The following FARS2 variants were observed in gnomAD, a reference collection of about 807,000 sequenced individuals.
FARS2 encodes phenylalanyl-tRNA synthetase 2, mitochondrial.
FARS2 carries 40 observed loss-of-function variants against 46.4 expected under a neutral mutation model. The observed-to-expected ratio is 0.86, with a 90% CI of 0.67 to 1.12. The LOEUF is 1.12. Among genes scored for constraint, FARS2 ranks in the 50% most tolerant of loss-of-function variants. The probability of loss-of-function intolerance (pLI) is 0.00; values close to 1 mark genes in which losing one functional copy is unlikely to be tolerated. For missense variants in FARS2, 513 were observed against 567.9 expected (o/e 0.90, Z 0.98); for synonymous variants, 234 against 214.9 (o/e 1.09, Z -0.78).
intron 6 of FARS2, among the ~76,000 whole-genome samples, chr6:5,710,182 C>T (rs967029996): frequency 1.3e-5 from 2 of 152,154 alleles, no homozygotes; most frequent in African/African-American, 4.8e-5. Context: ...CCATTTTGCA[C>T]CACCAGCAAC....
intron 4 of FARS2, among the ~76,000 whole-genome samples, chr6:5,434,439 G>C (rs889504684): frequency 2.6e-5 from 4 of 152,170 alleles, no homozygotes; most frequent in Non-Finnish European, 5.9e-5. Context: ...TATTTCACAA[G>C]AGAAGGAAAC....
chr6:5,761,936 C>T (rs1274156153), intron 6 of FARS2, among the ~76,000 whole-genome samples: 1 of 152,116 alleles, frequency 6.6e-6, no homozygotes, highest in Non-Finnish European at 1.5e-5. Context: ...TCATTGCAGC[C>T]CCCCTGCTGT....
intron 1 of FARS2, among the ~76,000 whole-genome samples, chr6:5,358,835 T>TA (rs934362331): frequency 6.6e-5 from 10 of 151,086 alleles, no homozygotes; most frequent in African/African-American, 2.2e-4. Flanking sequence ...GATTTGTGTC[T>TA]AAAAAAAAAC....
At chr6:5,679,362 ACCCTT>A (rs1271905542) in intron 6 of FARS2, among the ~76,000 whole-genome samples, 1 of 151,896 alleles carries the variant, frequency 6.6e-6, no homozygotes, top group Non-Finnish European at 1.5e-5. Context: ...GCCTCCTTCT[ACCCTT>A]CCCTCTAAAA....
intron 5 of FARS2, among the ~76,000 whole-genome samples, chr6:5,558,516 G>T (rs528514888): frequency 4.3e-4 from 66 of 152,002 alleles, no homozygotes; most frequent in African/African-American, 1.5e-3. Flanking sequence ...TATTAGAGAA[G>T]AATTTATTTT....
At chr6:5,300,106 G>A (rs1768190828) in intron 1 of FARS2, among the ~76,000 whole-genome samples, 1 of 152,134 alleles carries the variant, frequency 6.6e-6, no homozygotes, top group African/African-American at 2.4e-5. Flanking sequence ...AGGACTCTGT[G>A]AGTAGTTAGA....
intron 6 of FARS2, among the ~76,000 whole-genome samples, chr6:5,617,189 G>A (rs1207102168): frequency 1.3e-5 from 2 of 152,024 alleles, no homozygotes; most frequent in Non-Finnish European, 2.9e-5. Context: ...CTTAATGCAG[G>A]TATACACACA....
In FARS2 at chr6:5,694,843, CAA is replaced by C. The variant is rs61210395; in HGVS notation, c.1218-76435_1218-76434del. 5.5e-3 allele frequency: 698 copies of C among 126,016 alleles called. 13 individuals carry two copies. Among genetic ancestry groups the C allele is most frequent in the African/African-American group, 0.02 (664 of 33,156 alleles). The allele number at this position is 126,016 out of a possible 1,614,324, so 7.8% of individuals were successfully genotyped here. A position where few individuals can be genotyped will look rare whatever the true frequency, so the allele number is the denominator to read the frequency against. On this transcript the variant is annotated intron_variant, in intron 6 of 6. Transcript: ENST00000274680. ...ATAGTGAGAACCCCCCACACCTCTACAAAAAAAAAAAAAATTAGCCAAACTTG... is the reference window on the plus strand; with the variant it reads ...ATAGTGAGAACCCCCCACACCTCTACAAAAAAAAAAAATTAGCCAAACTTG...
At chr6:5,622,746 C>T (rs11966192) in intron 6 of FARS2, among the ~76,000 whole-genome samples, 9,622 of 152,284 alleles carry the variant, frequency 0.063, 926 homozygotes, top group African/African-American at 0.21. Flanking sequence ...TTCGACTTCC[C>T]AGCCTCCAGA....
chr6:5,513,276 C>T (rs141841698), intron 4 of FARS2, among the ~76,000 whole-genome samples: 3 of 152,262 alleles, frequency 2.0e-5, no homozygotes, highest in African/African-American at 7.2e-5. Context: ...GAGACTGGAA[C>T]TCTGGGGAAA....
intron 1 of FARS2, among the ~76,000 whole-genome samples, chr6:5,306,168 C>T (rs764314000): frequency 2.0e-5 from 3 of 152,118 alleles, no homozygotes; most frequent in Non-Finnish European, 4.4e-5. Flanking sequence ...ATCTAAACGT[C>T]AGTATTGCAT....
chr6:5,376,561 C>A (rs1022817158), intron 2 of FARS2, among the ~76,000 whole-genome samples: 1 of 152,020 alleles, frequency 6.6e-6, no homozygotes, highest in Non-Finnish European at 1.5e-5. Context: ...TCAAGAGGAG[C>A]AAGGATAGAT....
At chr6:5,390,627 G>A (rs2503814) in intron 2 of FARS2, among the ~76,000 whole-genome samples, 32,344 of 152,144 alleles carry the variant, frequency 0.21, 3,757 homozygotes, top group East Asian at 0.47. Context: ...TGTATATAAG[G>A]AACATTTATT....
intron 6 of FARS2, among the ~76,000 whole-genome samples, chr6:5,747,845 A>G (rs1761723517): frequency 6.6e-6 from 1 of 152,180 alleles, no homozygotes; most frequent in South Asian, 2.1e-4. Context: ...TTGTCAACCC[A>G]TTTTTTATAC....
chr6:5,250,646 A>T, the FARS2 span, among the ~76,000 whole-genome samples: 1 of 152,236 alleles, frequency 6.6e-6, no homozygotes, highest in African/African-American at 2.4e-5. Flanking sequence ...ATTGTTGAAG[A>T]GGTCAGGTAA....
chr6:5,533,415 T>C (rs1166050834), intron 4 of FARS2, among the ~76,000 whole-genome samples: 9 of 152,196 alleles, frequency 5.9e-5, no homozygotes, highest in Non-Finnish European at 8.8e-5. Flanking sequence ...ATACTATCCA[T>C]TTAAATTAAG....
At chr6:5,513,853 G>A (rs1768608002) in intron 4 of FARS2, among the ~76,000 whole-genome samples, 2 of 152,030 alleles carry the variant, frequency 1.3e-5, no homozygotes, top group African/African-American at 4.8e-5. Flanking sequence ...GGTGGGGAAG[G>A]CTTTCTGTAC....
At chr6:5,251,179 C>T in the FARS2 span, among the ~76,000 whole-genome samples, 1 of 151,838 alleles carries the variant, frequency 6.6e-6, no homozygotes, top group Non-Finnish European at 1.5e-5. Context: ...TATATACATA[C>T]ACACACACAC....
At chr6:5,307,695 A>G (rs1466208076) in intron 1 of FARS2, among the ~76,000 whole-genome samples, 4 of 152,162 alleles carry the variant, frequency 2.6e-5, no homozygotes, top group Non-Finnish European at 5.9e-5. Context: ...GAGCGTGAGC[A>G]CTTCAGCACA....
Sources: gnomAD v4.1 joint callset for allele counts (sites outside exome capture counted in the v4.1 genomes callset) on GRCh38, gnomAD v4.1.1 for gene constraint, MANE v1.5 for transcripts, NCBI Gene and HGNC (gene_info 2026-07-23, HGNC 2026-07-21) for gene names.